WDFY4: variants seen among roughly 807,000 people sequenced by gnomAD.
The protein encoded by WDFY4 is WDFY family member 4.
Under a neutral mutation model 351.9 loss-of-function variants are expected in WDFY4, and 169 were observed. The observed-to-expected ratio is 0.48, with a 90% CI of 0.42 to 0.55. The LOEUF (loss-of-function observed/expected upper bound fraction) is 0.55. Ranked by LOEUF, WDFY4 falls within the 20% of genes least tolerant of loss-of-function variation. The pLI, the probability that WDFY4 is intolerant of heterozygous loss-of-function variation, is 0.00. For missense variants in WDFY4, 3,803 were observed against 3,935.6 expected (o/e 0.97, Z 0.90); for synonymous variants, 1,622 against 1,574.6 (o/e 1.03, Z -0.71).
At position 48,709,901 on chromosome 10, in the gene WDFY4, T is replaced by C. The variant is rs985985036; in HGVS notation, c.169T>C (p.Leu57=). 1.3e-6 allele frequency: 2 copies of C among 1,552,066 alleles called. No homozygotes were observed. The highest frequency in any genetic ancestry group is 1.7e-6 in the Non-Finnish European group (2 of 1,147,116). The change falls in exon 2 of 62, where the codon TTG becomes CTG. Residue 57 remains leucine, a synonymous_variant. Coordinates refer to ENST00000325239, the MANE Select transcript of WDFY4 (RefSeq NM_001394531.1). ...LERKFLEYQQ[L]THKSPIERQK... ...AAGGAAGTTTCTGGAATACCAGCAG[T>C]TGACTCACAAGAGCCCCATTGAGCG...
At chr10:48,893,849 A>T (rs988304212) in intron 44 of WDFY4, among the ~76,000 whole-genome samples, 2 of 152,228 alleles carry the variant, frequency 1.3e-5, no homozygotes, top group Non-Finnish European at 2.9e-5. Context: ...ATTGACAGTT[A>T]TCCTAAGCAC....
intron 47 of WDFY4, chr10:48,914,357 G>A (rs1243525188): frequency 1.3e-5 from 8 of 595,596 alleles, no homozygotes; most frequent in Admixed American, 3.0e-5. Context: ...AGAAGTCAGG[G>A]CAAAGTGGAC....
intron 36 of WDFY4, among the ~76,000 whole-genome samples, chr10:48,828,542 A>C (rs12249626): frequency 0.13 from 19,823 of 152,166 alleles, 1,407 homozygotes; most frequent in Middle Eastern, 0.21. Context: ...CACAGGTGGG[A>C]TTTCACAAGA....
At chr10:48,876,457 C>G (rs547822576) in intron 42 of WDFY4, among the ~76,000 whole-genome samples, 7 of 152,278 alleles carry the variant, frequency 4.6e-5, no homozygotes, top group Non-Finnish European at 8.8e-5. Context: ...GTATCTCCAA[C>G]CAAGATGGGA....
intron 1 of WDFY4, among the ~76,000 whole-genome samples, chr10:48,707,821 G>A (rs2063671510): frequency 6.6e-6 from 1 of 152,136 alleles, no homozygotes; most frequent in Non-Finnish European, 1.5e-5. Context: ...GGAGAATGGA[G>A]GTCCTGGTGA....
intron 39 of WDFY4, among the ~76,000 whole-genome samples, chr10:48,851,180 T>C (rs973950948): frequency 6.6e-5 from 10 of 152,182 alleles, no homozygotes; most frequent in Non-Finnish European, 1.3e-4. Context: ...GTCATCCATC[T>C]AGGGTCAGGA....
At chr10:48,701,559 A>G (rs942162206) in intron 1 of WDFY4, among the ~76,000 whole-genome samples, 1 of 152,222 alleles carries the variant, frequency 6.6e-6, no homozygotes, top group African/African-American at 2.4e-5. Flanking sequence ...CACTTGACCA[A>G]CGTGGAGGCT....
At chr10:48,763,757 C>T (rs959163311) in intron 13 of WDFY4, among the ~76,000 whole-genome samples, 1 of 152,202 alleles carries the variant, frequency 6.6e-6, no homozygotes, top group African/African-American at 2.4e-5. Flanking sequence ...TCTAATTCTC[C>T]CTCGCTGTCT....
intron 7 of WDFY4, 35 bp from the exon 8 acceptor site, chr10:48,729,397 G>C: frequency 6.5e-7 from 1 of 1,548,498 alleles, no homozygotes; most frequent in African/African-American, 1.4e-5. Context: ...CTCCATCTAG[G>C]AAGTACAGGG....
chr10:48,692,451 G>C (rs1270514422), intron 1 of WDFY4, among the ~76,000 whole-genome samples: 7 of 152,206 alleles, frequency 4.6e-5, no homozygotes, highest in African/African-American at 9.7e-5. Context: ...TCACACAATT[G>C]CAAGTGTCTG....
At position 48,865,712 on chromosome 10, in the gene WDFY4, G is replaced by A. The variant is rs541995528; in HGVS notation, c.6664-1553G>A. 7.2e-5 allele frequency among the ~76,000 whole-genome samples: 11 copies of A among 152,096 alleles called. No homozygotes were observed. In the South Asian group the frequency reaches 2.3e-3, roughly 32 times the overall value. On this transcript the variant is annotated intron_variant, in intron 39 of 61. Coordinates refer to ENST00000325239, the MANE Select transcript of WDFY4 (RefSeq NM_001394531.1). ...GGCCTGGGCTGGGCTTTTCTTTGTG[G>A]GTAGGTTTTGTTGTTGTTGTTGTTT...
intron 39 of WDFY4, among the ~76,000 whole-genome samples, chr10:48,837,260 T>C (rs2068433375): frequency 1.3e-5 from 2 of 151,856 alleles, no homozygotes; most frequent in Non-Finnish European, 2.9e-5. Flanking sequence ...GGTCAAAGCC[T>C]GTGCAGAGGA....
Position 48,731,359 on chromosome 10 carries a change from A to C in WDFY4, c.1379A>C (p.His460Pro). The change falls in exon 9 of 62, where the codon CAC becomes CCC. Residue 460 changes from histidine to proline, a missense_variant. Transcript: ENST00000325239. ...QLLEALVFEL[H>P]YVPHEILRKV... ...CTAGAGGCCCTGGTGTTCGAGCTGC[A>C]CTACGTGCCTCATGAGATCCTGCGA... 1 of 1,551,778 alleles carries C rather than the reference A, an allele frequency of 6.4e-7. No individual in the cohort carries two copies. Among genetic ancestry groups the C allele is most frequent in the Non-Finnish European group, 8.7e-7 (1 of 1,147,006 alleles).
At chr10:48,870,365 A>G (rs997984941) in intron 40 of WDFY4, among the ~76,000 whole-genome samples, 1 of 152,148 alleles carries the variant, frequency 6.6e-6, no homozygotes, top group African/African-American at 2.4e-5. Context: ...GCGAGACCCC[A>G]ACTCAAAAAA....
At chr10:48,781,229 T>C (rs2066210823) in intron 19 of WDFY4, among the ~76,000 whole-genome samples, 1 of 124,372 alleles carries the variant, frequency 8.0e-6, no homozygotes, top group African/African-American at 4.2e-5. Context: ...TATATATATA[T>C]GTGTGTGTGT....
chr10:48,796,900 C>T (rs1057037183), intron 24 of WDFY4, among the ~76,000 whole-genome samples: 6 of 152,120 alleles, frequency 3.9e-5, no homozygotes, highest in East Asian at 1.9e-4. Context: ...TGAGGAGCAT[C>T]GCACACAACT....
At chr10:48,929,521 T>G (rs1221196446) in intron 47 of WDFY4, among the ~76,000 whole-genome samples, 1 of 152,208 alleles carries the variant, frequency 6.6e-6, no homozygotes, top group Non-Finnish European at 1.5e-5. Flanking sequence ...CTGAGGTCCA[T>G]GGCCAAGCCC....
chr10:48,843,280 C>A (rs2068669744), intron 39 of WDFY4, among the ~76,000 whole-genome samples: 1 of 152,132 alleles, frequency 6.6e-6, no homozygotes, highest in Non-Finnish European at 1.5e-5. Context: ...CAAAGCCAGG[C>A]TGTGTTTATA....
chr10:48,831,390 A>G (rs1461972622), intron 38 of WDFY4, among the ~76,000 whole-genome samples: 2 of 152,240 alleles, frequency 1.3e-5, no homozygotes, highest in Non-Finnish European at 2.9e-5. Flanking sequence ...ACATTTTTGC[A>G]TATTAGTCAA....
Sources: gnomAD v4.1 joint callset for allele counts (sites outside exome capture counted in the v4.1 genomes callset) on GRCh38, gnomAD v4.1.1 for gene constraint, MANE v1.5 for transcripts, NCBI Gene and HGNC (gene_info 2026-07-23, HGNC 2026-07-21) for gene names.